Variants in TBCA observed in about 807,000 individuals in gnomAD.
TBCA encodes tubulin-specific chaperone A.
TBCA carries 6 observed loss-of-function variants against 15.8 expected under a neutral mutation model. The observed-to-expected ratio is 0.38, with a 90% CI of 0.21 to 0.75. The LOEUF (loss-of-function observed/expected upper bound fraction) is 0.75, where lower values mean the gene tolerates loss of function less well. Among genes scored for constraint, TBCA ranks in the 30% least tolerant of loss-of-function variants. The pLI, the probability that TBCA is intolerant of heterozygous loss-of-function variation, is 0.46. For missense variants in TBCA, 90 were observed against 131.2 expected (o/e 0.69, Z 1.53); for synonymous variants, 32 against 42.3 (o/e 0.76, Z 0.94).
At chr5:77,741,608 T>G (rs946206483) in intron 1 of TBCA, among the ~76,000 whole-genome samples, 2 of 152,098 alleles carry the variant, frequency 1.3e-5, no homozygotes, top group African/African-American at 4.8e-5. Context: ...GACCTAAAAG[T>G]TAAGGACTAG....
At chr5:77,693,666 G>A in intron 2 of TBCA, 3 of 288,418 alleles carry the variant, frequency 1.0e-5, no homozygotes, top group South Asian at 9.9e-5. Context: ...GGGCGTGGTG[G>A]AGCATGCCTG....
intron 1 of TBCA, among the ~76,000 whole-genome samples, chr5:77,728,265 G>A (rs1580112588): frequency 6.6e-6 from 1 of 152,164 alleles, no homozygotes; most frequent in East Asian, 1.9e-4. Flanking sequence ...CCCCCAGAAA[G>A]GGCCTCAGAA....
chr5:77,734,919 A>G (rs1746863511), intron 1 of TBCA, among the ~76,000 whole-genome samples: 1 of 152,206 alleles, frequency 6.6e-6, no homozygotes, highest in South Asian at 2.1e-4. Flanking sequence ...ATGTAACAGC[A>G]AAAAGATTAC....
chr5:77,759,942 A>G (rs1196879346), intron 1 of TBCA, among the ~76,000 whole-genome samples: 8 of 152,198 alleles, frequency 5.3e-5, no homozygotes, highest in African/African-American at 1.9e-4. Flanking sequence ...TGACTATTCT[A>G]CCTCCTAAGA....
chr5:77,716,937 C>G (rs191981175), intron 1 of TBCA, among the ~76,000 whole-genome samples: 2 of 152,322 alleles, frequency 1.3e-5, no homozygotes, highest in Non-Finnish European at 2.9e-5. Context: ...TGACCCAACT[C>G]TGGCCAAAGC....
intron 1 of TBCA, among the ~76,000 whole-genome samples, chr5:77,758,629 G>C (rs1747533793): frequency 6.6e-6 from 1 of 152,184 alleles, no homozygotes; most frequent in Non-Finnish European, 1.5e-5. Flanking sequence ...CATACTTCCA[G>C]GGTCTTGTGT....
chr5:77,744,251 T>C (rs938748456), intron 1 of TBCA, among the ~76,000 whole-genome samples: 2 of 152,240 alleles, frequency 1.3e-5, no homozygotes, highest in Non-Finnish European at 2.9e-5. Flanking sequence ...ACATGGGCAA[T>C]TGTGACAATT....
At chr5:77,773,296 T>C (rs1747952594) in intron 1 of TBCA, among the ~76,000 whole-genome samples, 1 of 152,216 alleles carries the variant, frequency 6.6e-6, no homozygotes, top group African/African-American at 2.4e-5. Context: ...CCTTGGTCCT[T>C]TTCCTTGCAT....
At chr5:77,775,292 G>A (rs956120002) in intron 1 of TBCA, among the ~76,000 whole-genome samples, 9 of 152,192 alleles carry the variant, frequency 5.9e-5, no homozygotes, top group Non-Finnish European at 1.2e-4. Flanking sequence ...TGTGTATTAA[G>A]TGAAAAGCTG....
At chr5:77,725,413 T>C (rs75033651) in intron 1 of TBCA, among the ~76,000 whole-genome samples, 2,505 of 152,308 alleles carry the variant, frequency 0.016, 67 homozygotes, top group African/African-American at 0.057. Context: ...GTTAGTGAAA[T>C]GTGTGCAAGC....
chr5:77,758,141 T>C lies in TBCA; in HGVS notation c.53+18064A>G, dbSNP rs11740412. ...CGTTTGACCTTTTGATTTGGGGTTT[T>C]ATATGTTGGCATGAGGGAAGAGAGA... On this transcript the variant is annotated intron_variant, in intron 1 of 3. Transcript: ENST00000380377. 1.3e-3 allele frequency among the ~76,000 whole-genome samples: 193 copies of C among 152,294 alleles called. 1 individual carries two copies. The highest frequency in any genetic ancestry group is 2.2e-3 in the Admixed American group (33 of 15,304).
At chr5:77,722,188 C>T (rs1314269318) in intron 1 of TBCA, among the ~76,000 whole-genome samples, 1 of 152,000 alleles carries the variant, frequency 6.6e-6, no homozygotes, top group East Asian at 1.9e-4. Flanking sequence ...CTGTGACAAA[C>T]ATTCCTTTTT....
intron 1 of TBCA, among the ~76,000 whole-genome samples, chr5:77,759,286 A>C (rs1747550141): frequency 1.3e-5 from 2 of 152,230 alleles, no homozygotes; most frequent in Non-Finnish European, 2.9e-5. Context: ...CTGGGTTAAG[A>C]TAAGGAGTTG....
chr5:77,754,205 C>T (rs1250826034), intron 1 of TBCA, among the ~76,000 whole-genome samples: 1 of 152,194 alleles, frequency 6.6e-6, no homozygotes, highest in East Asian at 1.9e-4. Context: ...ATTCACCATA[C>T]AAGACTCTTT....
At chr5:77,758,907 C>A (rs1747540091) in intron 1 of TBCA, among the ~76,000 whole-genome samples, 1 of 152,188 alleles carries the variant, frequency 6.6e-6, no homozygotes, top group Non-Finnish European at 1.5e-5. Context: ...AATTGCTGCT[C>A]CCTGCTGTCT....
At chr5:77,705,435 T>C (rs1746129008) in intron 2 of TBCA, 1 of 392,594 alleles carries the variant, frequency 2.5e-6, no homozygotes, top group Admixed American at 4.4e-5. Flanking sequence ...AATAGAAGAC[T>C]TAAGAGTGAA....
At chr5:77,725,439 GATT>G (rs1402751314) in intron 1 of TBCA, among the ~76,000 whole-genome samples, 2 of 152,140 alleles carry the variant, frequency 1.3e-5, no homozygotes, top group Non-Finnish European at 2.9e-5. Flanking sequence ...GATAAATTTT[GATT>G]ATTTATCAAT....
intron 1 of TBCA, among the ~76,000 whole-genome samples, chr5:77,750,164 AAT>A (rs897296604): frequency 3.2e-4 from 48 of 150,220 alleles, no homozygotes; most frequent in Non-Finnish European, 5.3e-4. Flanking sequence ...AGAGAGCACA[AAT>A]ATATATATAT....
chr5:77,702,517 G>A (rs1746041224), intron 2 of TBCA, among the ~76,000 whole-genome samples: 2 of 152,156 alleles, frequency 1.3e-5, no homozygotes, highest in Admixed American at 6.5e-5. Flanking sequence ...GGATTGGGTG[G>A]CTAAAAAGAA....
Sources: gnomAD v4.1 joint callset for allele counts (sites outside exome capture counted in the v4.1 genomes callset) on GRCh38, gnomAD v4.1.1 for gene constraint, MANE v1.5 for transcripts, NCBI Gene and HGNC (gene_info 2026-07-23, HGNC 2026-07-21) for gene names.